LSAMP: variants seen among roughly 807,000 people sequenced by gnomAD.
LSAMP encodes the protein limbic system associated membrane protein.
A neutral mutation model predicts 38.6 loss-of-function variants in LSAMP; 7 were observed. The observed-to-expected ratio is 0.18, with a 90% CI of 0.10 to 0.34. The LOEUF is 0.34. Ranked by LOEUF, LSAMP falls within the 10% of genes least tolerant of loss-of-function variation. The pLI is 1.00. For missense variants in LSAMP, 313 were observed against 420.0 expected (o/e 0.75, Z 2.23); for synonymous variants, 154 against 166.8 (o/e 0.92, Z 0.59).
intron 1 of LSAMP, among the ~76,000 whole-genome samples, chr3:116,220,751 T>C (rs921237787): frequency 6.6e-6 from 1 of 152,030 alleles, no homozygotes; most frequent in Non-Finnish European, 1.5e-5. Flanking sequence ...TCAAGCACGG[T>C]GGATAGGAGA....
intron 3 of LSAMP, among the ~76,000 whole-genome samples, chr3:115,938,709 A>G (rs563006599): frequency 6.6e-6 from 1 of 152,338 alleles, no homozygotes; most frequent in Non-Finnish European, 1.5e-5. Context: ...ATCTTTTTAA[A>G]TGTAGACATG....
intron 1 of LSAMP, among the ~76,000 whole-genome samples, chr3:116,119,404 AC>A (rs1488329569): frequency 2.0e-5 from 3 of 152,272 alleles, no homozygotes; most frequent in Non-Finnish European, 4.4e-5. Context: ...ATTGTACCAA[AC>A]TAATTTAAGA....
chr3:115,888,924 C>T (rs1034738050), intron 3 of LSAMP, among the ~76,000 whole-genome samples: 1 of 151,816 alleles, frequency 6.6e-6, no homozygotes, highest in African/African-American at 2.4e-5. Context: ...GAGACAGCCC[C>T]CTATACCAAC....
chr3:116,346,965 A>AATAAAATG (rs1298045799), intron 1 of LSAMP, among the ~76,000 whole-genome samples: 1 of 152,212 alleles, frequency 6.6e-6, no homozygotes, highest in Non-Finnish European at 1.5e-5. Flanking sequence ...GGACTTAATA[A>AATAAAATG]ATAAAATGAT....
chr3:115,810,263 T>C lies in LSAMP; in HGVS notation c.*54A>G, dbSNP rs1435591590. The C allele has an allele frequency of 8.4e-6, 10 of 1,190,536 alleles. No homozygotes were observed. The highest frequency in any genetic ancestry group is 1.2e-5 in the Non-Finnish European group (10 of 828,124). 73.7% of individuals were successfully genotyped at this position (1,190,536 alleles called of 1,614,324 possible). A position where few individuals can be genotyped will look rare whatever the true frequency, so the allele number is the denominator to read the frequency against. On this transcript the variant is annotated 3_prime_UTR_variant, in exon 7 of 7. Transcript: ENST00000490035. ...TCTCTCTGTCTCTCTCTCTCTGTAT[T>C]CTGTGTGACGCATTTTTGTGTGTTT...
intron 1 of LSAMP, among the ~76,000 whole-genome samples, chr3:116,256,449 C>T (rs2046752895): frequency 6.6e-6 from 1 of 152,158 alleles, no homozygotes; most frequent in African/African-American, 2.4e-5. Context: ...AAGTGTTTTT[C>T]ATCTTTAACT....
chr3:116,326,222 A>G (rs570680354), intron 1 of LSAMP, among the ~76,000 whole-genome samples: 10 of 152,284 alleles, frequency 6.6e-5, no homozygotes, highest in African/African-American at 1.9e-4. Context: ...CCCTAAAAAC[A>G]TGCTATTTTG....
At chr3:116,290,000 C>T (rs934919089) in intron 1 of LSAMP, among the ~76,000 whole-genome samples, 1 of 152,148 alleles carries the variant, frequency 6.6e-6, no homozygotes, top group Non-Finnish European at 1.5e-5. Flanking sequence ...TCATTAGTTG[C>T]TGGCTTATCC....
chr3:116,074,859 T>A (rs1330408773), intron 2 of LSAMP, among the ~76,000 whole-genome samples: 1 of 150,944 alleles, frequency 6.6e-6, no homozygotes, highest in Non-Finnish European at 1.5e-5. Context: ...TTTTTTTTTT[T>A]TTGAGATGAG....
chr3:116,030,170 T>C (rs76173933), intron 2 of LSAMP, among the ~76,000 whole-genome samples: 4,070 of 152,256 alleles, frequency 0.027, 80 homozygotes, highest in Non-Finnish European at 0.041. Flanking sequence ...GAAATTTTTC[T>C]ATATGTATTA....
intron 1 of LSAMP, chr3:116,370,114 C>T (rs1471614131): frequency 6.6e-6 from 1 of 152,238 alleles, no homozygotes. Context: ...TTAGTATGTG[C>T]TATAGTCTGT....
intron 1 of LSAMP, among the ~76,000 whole-genome samples, chr3:116,352,898 G>T (rs891322634): frequency 6.6e-6 from 1 of 152,018 alleles, no homozygotes; most frequent in Non-Finnish European, 1.5e-5. Flanking sequence ...TGTATAGTTT[G>T]TTCCCTGTGT....
At chr3:116,441,859 T>C (rs868799648) in intron 1 of LSAMP, among the ~76,000 whole-genome samples, 2 of 152,234 alleles carry the variant, frequency 1.3e-5, no homozygotes, top group African/African-American at 2.4e-5. Flanking sequence ...CTGCTGCTGC[T>C]GCCGCCACTA....
chr3:116,271,913 C>CTAT (rs1468681950), intron 1 of LSAMP, among the ~76,000 whole-genome samples: 2 of 151,758 alleles, frequency 1.3e-5, no homozygotes, highest in Non-Finnish European at 2.9e-5. Flanking sequence ...CCTATTTATT[C>CTAT]TATTTGAAGT....
chr3:116,386,860 A>T (rs1559849783), intron 1 of LSAMP, among the ~76,000 whole-genome samples: 1 of 152,160 alleles, frequency 6.6e-6, no homozygotes, highest in Non-Finnish European at 1.5e-5. Context: ...TTTAAACTGG[A>T]TCTTGAAGGA....
chr3:116,259,123 AT>A (rs1392138956), intron 1 of LSAMP, among the ~76,000 whole-genome samples: 1 of 152,094 alleles, frequency 6.6e-6, no homozygotes, highest in Admixed American at 6.6e-5. Context: ...AACAGGAGAA[AT>A]TCTACAAAAT....
intron 2 of LSAMP, among the ~76,000 whole-genome samples, chr3:116,046,052 A>G (rs1417353083): frequency 6.6e-6 from 1 of 152,238 alleles, no homozygotes. Flanking sequence ...ATCCCTTTCT[A>G]TGAGCTAAAG....
chr3:116,443,194 T>C (rs757599713), intron 1 of LSAMP, among the ~76,000 whole-genome samples: 2 of 152,220 alleles, frequency 1.3e-5, no homozygotes, highest in African/African-American at 2.4e-5. Flanking sequence ...ATGTTAGCAA[T>C]TGAAATGGCA....
chr3:116,403,181 T>C (rs998067580), intron 1 of LSAMP, among the ~76,000 whole-genome samples: 1 of 152,220 alleles, frequency 6.6e-6, no homozygotes, highest in African/African-American at 2.4e-5. Flanking sequence ...ACAGTTATGC[T>C]GGAACAAGAA....
Sources: gnomAD v4.1 joint callset for allele counts (sites outside exome capture counted in the v4.1 genomes callset) on GRCh38, gnomAD v4.1.1 for gene constraint, MANE v1.5 for transcripts, NCBI Gene and HGNC (gene_info 2026-07-23, HGNC 2026-07-21) for gene names.